SH3PXD2B: variants seen among roughly 807,000 people sequenced by gnomAD.
The protein encoded by SH3PXD2B is SH3 and PX domain-containing protein 2B.
In SH3PXD2B, 37 loss-of-function variants were observed where a neutral mutation model predicts 73.1. That is an observed-to-expected ratio of 0.51 (90% CI 0.39 to 0.67). SH3PXD2B has a LOEUF of 0.67. SH3PXD2B is among the 30% of genes least tolerant of loss of function. The pLI is 0.00. For missense variants in SH3PXD2B, 1,053 were observed against 1,197.8 expected (o/e 0.88, Z 1.78); for synonymous variants, 457 against 480.5 (o/e 0.95, Z 0.64).
rs1011631018 is a variant in SH3PXD2B at position 172,378,942 on chromosome 5, C to T, written c.401+3094G>A. Among the ~76,000 whole-genome samples, 40 of 151,826 alleles carry T rather than the reference C, an allele frequency of 2.6e-4. No individual in the cohort carries two copies. In the South Asian group the frequency reaches 4.8e-3, roughly 18 times the overall value. ...AAAATTAGCCGGGCATGGTGGCGGG[C>T]GCCTGTAGTCCCAGCTACTTGGGAG... On this transcript the variant is annotated intron_variant, in intron 5 of 12. Transcript: ENST00000311601.
intron 1 of SH3PXD2B, among the ~76,000 whole-genome samples, chr5:172,433,323 T>C (rs958232304): frequency 5.3e-5 from 8 of 152,206 alleles, no homozygotes; most frequent in African/African-American, 1.9e-4. Context: ...TTCTCAGAAC[T>C]ATCCCTGTTG....
chr5:172,441,650 G>C (rs900461316), intron 1 of SH3PXD2B, among the ~76,000 whole-genome samples: 1 of 152,250 alleles, frequency 6.6e-6, no homozygotes, highest in African/African-American at 2.4e-5. Context: ...GTAACGGAAG[G>C]GTTGCCGAGA....
chr5:172,443,997 CAGCATCCATGT>C (rs541267330), intron 1 of SH3PXD2B, among the ~76,000 whole-genome samples: 142 of 152,322 alleles, frequency 9.3e-4, no homozygotes, highest in African/African-American at 3.3e-3. Flanking sequence ...GGGCTAATAA[CAGCATCCATGT>C]AGCAGACATG....
intron 6 of SH3PXD2B, among the ~76,000 whole-genome samples, chr5:172,367,803 T>C (rs537530079): frequency 5.2e-4 from 79 of 152,202 alleles, no homozygotes; most frequent in African/African-American, 1.8e-3. Context: ...TTACTACTGG[T>C]TGAAATGTCA....
rs772837508 is a variant in SH3PXD2B at position 172,334,826 on chromosome 5, C to T, written c.*3543G>A. Reference sequence around the variant, plus strand: ...GGCACACTCAGCACTTGCTCTTTAACGTGGCATATGTTCCCCCATCTTCCA... The same window carrying T: ...GGCACACTCAGCACTTGCTCTTTAATGTGGCATATGTTCCCCCATCTTCCA... On this transcript the variant is annotated 3_prime_UTR_variant, in exon 13 of 13. Transcript: ENST00000311601. 4.3e-5 allele frequency: 42 copies of T among 985,348 alleles called. No homozygotes were observed. Among genetic ancestry groups the T allele is most frequent in the Non-Finnish European group, 4.3e-5 (36 of 829,968 alleles). 61.0% of individuals were successfully genotyped at this position (985,348 alleles called of 1,614,324 possible). A position where few individuals can be genotyped will look rare whatever the true frequency, so the allele number is the denominator to read the frequency against.
intron 2 of SH3PXD2B, among the ~76,000 whole-genome samples, chr5:172,416,165 A>C (rs1318148929): frequency 1.3e-5 from 2 of 152,110 alleles, no homozygotes; most frequent in Non-Finnish European, 1.5e-5. Flanking sequence ...CCGTCTCTAC[A>C]AAAATTTAAA....
At chr5:172,410,416 G>A (rs1316778259) in intron 2 of SH3PXD2B, among the ~76,000 whole-genome samples, 1 of 152,156 alleles carries the variant, frequency 6.6e-6, no homozygotes, top group Non-Finnish European at 1.5e-5. Flanking sequence ...GCCACAGTGG[G>A]GACTTGCTGG....
chr5:172,436,143 A>G (rs959161604), intron 1 of SH3PXD2B, among the ~76,000 whole-genome samples: 1 of 152,128 alleles, frequency 6.6e-6, no homozygotes, highest in African/African-American at 2.4e-5. Flanking sequence ...TTGTGCCCCT[A>G]TGGGCCTCTT....
chr5:172,393,140 G>GTA (rs1168802667), intron 4 of SH3PXD2B, among the ~76,000 whole-genome samples: 6 of 152,184 alleles, frequency 3.9e-5, no homozygotes, highest in African/African-American at 1.4e-4. Flanking sequence ...TATTGAATAT[G>GTA]TAGATTCATT....
chr5:172,413,450 A>G (rs1400150820), intron 2 of SH3PXD2B, among the ~76,000 whole-genome samples: 1 of 152,104 alleles, frequency 6.6e-6, no homozygotes, highest in Non-Finnish European at 1.5e-5. Flanking sequence ...CCCCCTTACT[A>G]CTGTTGGCCC....
Position 172,418,763 on chromosome 5 carries a change from C to T in SH3PXD2B, c.156+3653G>A, listed in dbSNP as rs551416763. On this transcript the variant is annotated intron_variant, in intron 2 of 12. Coordinates refer to ENST00000311601, the MANE Select transcript of SH3PXD2B (RefSeq NM_001017995.3). ...CTGGGACTCTGAGCCTGGATGAAGT[C>T]CTGCCTTAGACAACTTTGTTACAGG... Among the ~76,000 whole-genome samples, 8 of 152,308 alleles carry T rather than the reference C, an allele frequency of 5.3e-5. No homozygotes were observed. The South Asian group carries it at 1.4e-3, about 28-fold the overall frequency.
chr5:172,339,032 G>A lies in SH3PXD2B; in HGVS notation c.2073C>T (p.Gly691=), dbSNP rs1325711716. 6.2e-7 allele frequency: 1 copy of A among 1,614,156 alleles called. No individual in the cohort carries two copies. Among genetic ancestry groups the A allele is most frequent in the East Asian group, 2.2e-5 (1 of 44,880 alleles). ...LDGEGPQAVG[G]QDVAFSRSFL... is the part of the protein sequence containing the mutation. ...AGCTTCGGCTGAAGGCCACGTCTTG[G>A]CCCCCTACTGCCTGGGGGCCCTCCC... Residue 691 remains glycine, a synonymous_variant, in exon 13 of 13, where the codon GGC becomes GGT. Coordinates refer to ENST00000311601, the MANE Select transcript of SH3PXD2B (RefSeq NM_001017995.3). The surrounding 1 kb of genome is among the most constrained non-coding windows in gnomAD (Gnocchi z 6.1).
At chr5:172,383,458 A>G (rs1056190775) in intron 4 of SH3PXD2B, among the ~76,000 whole-genome samples, 1 of 152,380 alleles carries the variant, frequency 6.6e-6, no homozygotes, top group South Asian at 2.1e-4. Flanking sequence ...ACAGAAGTGC[A>G]GGGTACACTC....
chr5:172,434,852 C>T (rs978058312), intron 1 of SH3PXD2B, among the ~76,000 whole-genome samples: 20 of 150,190 alleles, frequency 1.3e-4, no homozygotes, highest in Admixed American at 2.7e-4. Flanking sequence ...GGCACGATCT[C>T]GGCTCATTGC....
chr5:172,396,037 G>A (rs1758287732), intron 3 of SH3PXD2B, among the ~76,000 whole-genome samples: 1 of 152,044 alleles, frequency 6.6e-6, no homozygotes, highest in African/African-American at 2.4e-5. Flanking sequence ...GCTCGGGCAG[G>A]CAGGGATAGG....
At position 172,358,878 on chromosome 5, in the gene SH3PXD2B, C is replaced by T; in HGVS notation, c.563-1G>A. 6.2e-7 allele frequency: 1 copy of T among 1,613,810 alleles called. No individual in the cohort carries two copies. The highest frequency in any genetic ancestry group is 1.1e-5 in the South Asian group (1 of 91,000). Reference sequence around the variant, plus strand: ...TCGGCAGTGCTGACGAACCACCAACCTGGGGAAGCAAGAGTGCAGAATGAT... The same window carrying T: ...TCGGCAGTGCTGACGAACCACCAACTTGGGGAAGCAAGAGTGCAGAATGAT... On this transcript the variant is annotated splice_acceptor_variant, in intron 7 of 12. Transcript: ENST00000311601. LOFTEE classifies it high-confidence loss of function.
intron 1 of SH3PXD2B, among the ~76,000 whole-genome samples, chr5:172,435,789 G>A (rs1293934146): frequency 6.6e-6 from 1 of 152,088 alleles, no homozygotes; most frequent in Non-Finnish European, 1.5e-5. Context: ...TCCTGGCTCT[G>A]CAAGCCTGGT....
At chr5:172,411,526 C>G (rs560228533) in intron 2 of SH3PXD2B, among the ~76,000 whole-genome samples, 2 of 152,282 alleles carry the variant, frequency 1.3e-5, no homozygotes, top group South Asian at 4.1e-4. Context: ...TGCTGGGGAC[C>G]CAACAGCCCT....
intron 3 of SH3PXD2B, among the ~76,000 whole-genome samples, chr5:172,402,675 A>T (rs900488786): frequency 6.6e-6 from 1 of 152,176 alleles, no homozygotes; most frequent in Non-Finnish European, 1.5e-5. Flanking sequence ...GGTTCCCCCA[A>T]TAGGGGGAAT....
Sources: allele counts gnomAD v4.1 joint callset (sites outside exome capture counted in the v4.1 genomes callset), GRCh38; gene constraint gnomAD v4.1.1; non-coding constraint Gnocchi (gnomAD v3.1); transcripts MANE v1.5; gene names NCBI Gene and HGNC (gene_info 2026-07-23, HGNC 2026-07-21).